Variants in LTBP1 observed in about 807,000 individuals in gnomAD.
LTBP1 encodes latent transforming growth factor beta binding protein 1.
A neutral mutation model predicts 207.6 loss-of-function variants in LTBP1; 129 were observed. The ratio of observed to expected loss-of-function variants is 0.62; its 90% CI spans 0.54 to 0.72. The LOEUF is 0.72. Among genes scored for constraint, LTBP1 ranks in the 30% least tolerant of loss-of-function variants. The pLI is 0.00. For missense variants in LTBP1, 2,281 were observed against 2,217.2 expected (o/e 1.03, Z -0.58); for synonymous variants, 963 against 833.7 (o/e 1.16, Z -2.67).
rs1325605292 is a variant in LTBP1, at chr2:32,947,536, C to T, written c.212C>T (p.Ala71Val). 2 of 1,388,784 alleles carry T rather than the reference C, an allele frequency of 1.4e-6. No homozygotes were observed. The highest frequency in any genetic ancestry group is 3.1e-5 in the East Asian group (1 of 31,860). 86.0% of individuals were successfully genotyped at this position (1,388,784 alleles called of 1,614,324 possible). ...AGCCGCAGCTCGGCGGCTGCCGGCG[C>T]CCCCAGCCGTGCCTCCCCCGGGGTC... is the stretch of plus-strand genomic sequence containing the variant. ...RYSRSSAAAG[A>V]PSRASPGVPS... Residue 71 changes from alanine (A) to valine (V), a missense_variant, in exon 1 of 34, where the codon GCC (alanine) becomes GTC (valine). Around this residue, in one of 3 missense-constraint regions of LTBP1, gnomAD observed 555 missense variants for 491.0 expected, o/e 1.13. Coordinates refer to ENST00000404816, the MANE Select transcript of LTBP1 (RefSeq NM_206943.4).
At chr2:33,395,790 A>G (rs992203258) in intron 32 of LTBP1, among the ~76,000 whole-genome samples, 12 of 151,962 alleles carry the variant, frequency 7.9e-5, no homozygotes, top group African/African-American at 2.2e-4. Flanking sequence ...TCCTTGTCCA[A>G]TTCCTCCAAG....
intron 3 of LTBP1, among the ~76,000 whole-genome samples, chr2:33,090,667 A>C (rs1017925152): frequency 2.0e-5 from 3 of 152,140 alleles, no homozygotes; most frequent in Non-Finnish European, 2.9e-5. Context: ...AGAATAGGTC[A>C]CGTTACCCTG....
Position 32,960,436 on chromosome 2 carries a change from GA to G in LTBP1, c.565+11492del, listed in dbSNP as rs1678916506. ...GAATGAATGAATGAATGAATGAATGGATTGATTTGTTGTACTTTCACCAAGC... is the reference window on the plus strand; with the variant it reads ...GAATGAATGAATGAATGAATGAATGGTTGATTTGTTGTACTTTCACCAAGC... On this transcript the variant is annotated intron_variant, in intron 2 of 33. Transcript: ENST00000404816. Among the ~76,000 whole-genome samples the G allele has an allele frequency of 1.1e-4, 16 of 151,848 alleles. No individual in the cohort carries two copies. The South Asian group carries it at 3.1e-3, about 30-fold the overall frequency.
chr2:33,212,548 G>T (rs181380493), intron 7 of LTBP1, among the ~76,000 whole-genome samples: 1 of 152,288 alleles, frequency 6.6e-6, no homozygotes, highest in East Asian at 1.9e-4. Context: ...TGCAGAAATC[G>T]TAAAGGTCAT....
chr2:33,270,210 G>A (rs1312704069), intron 15 of LTBP1, among the ~76,000 whole-genome samples: 1 of 151,878 alleles, frequency 6.6e-6, no homozygotes. Flanking sequence ...GTGAGCCACT[G>A]CACACAGCCT....
chr2:33,354,728 A>ACACC (rs751452437), intron 26 of LTBP1, among the ~76,000 whole-genome samples: 112 of 106,734 alleles, frequency 1.0e-3, no homozygotes, highest in African/African-American at 3.4e-3. Context: ...ACACACACAC[A>ACACC]CCATTGTATC....
chr2:33,262,722 GA>G lies in LTBP1; in HGVS notation c.2422del (p.Ile808TyrfsTer33). 1 of 1,558,780 alleles carries G rather than the reference GA, an allele frequency of 6.4e-7. No homozygotes were observed. Among genetic ancestry groups the G allele is most frequent in the African/African-American group, 1.4e-5 (1 of 73,072 alleles). Reference sequence around the variant, plus strand: ...TCTCTTTTAAAATACAACCATCCAGGAAATACCTTCATTGGATCAAGAGAAA... The same window carrying G: ...TCTCTTTTAAAATACAACCATCCAGGAATACCTTCATTGGATCAAGAGAAA... ...PEVATAPPEK[E>X]IPSLDQEKTK... On this transcript the variant is annotated frameshift_variant and splice_region_variant, in exon 14 of 34. Coordinates refer to ENST00000404816, the MANE Select transcript of LTBP1 (RefSeq NM_206943.4). LOFTEE classifies it high-confidence loss of function.
At chr2:33,188,443 A>AAAAAAAG in intron 6 of LTBP1, 134 bp from the exon 7 acceptor site, 1 of 613,642 alleles carries the variant, frequency 1.6e-6, no homozygotes, top group Non-Finnish European at 2.7e-6. Flanking sequence ...AAAAAAAAAA[A>AAAAAAAG]AGAATTTTGA....
At chr2:32,997,419 G>A (rs568499068) in intron 2 of LTBP1, among the ~76,000 whole-genome samples, 3 of 152,276 alleles carry the variant, frequency 2.0e-5, no homozygotes, top group African/African-American at 7.2e-5. Flanking sequence ...CTGAGGCAGA[G>A]GATCACTTAA....
intron 3 of LTBP1, among the ~76,000 whole-genome samples, chr2:33,088,311 G>T (rs991623145): frequency 6.6e-6 from 1 of 152,184 alleles, no homozygotes; most frequent in Non-Finnish European, 1.5e-5. Flanking sequence ...AATTAGCTAG[G>T]CATGGTGGCG....
chr2:33,268,849 T>C (rs1005505978), intron 15 of LTBP1, among the ~76,000 whole-genome samples: 3 of 152,196 alleles, frequency 2.0e-5, no homozygotes, highest in Non-Finnish European at 2.9e-5. Context: ...CCATGGCTCT[T>C]GCAGACTGGT....
chr2:33,145,946 A>G (rs1038277425), intron 5 of LTBP1, among the ~76,000 whole-genome samples: 5 of 152,134 alleles, frequency 3.3e-5, no homozygotes, highest in Admixed American at 6.5e-5. Context: ...AGTAATTATC[A>G]TTTCCCTTCT....
intron 26 of LTBP1, among the ~76,000 whole-genome samples, chr2:33,354,731 A>C (rs1411507314): frequency 7.6e-6 from 1 of 131,438 alleles, no homozygotes; most frequent in African/African-American, 2.9e-5. Context: ...CACACACACC[A>C]TTGTATCTTC....
At chr2:33,387,837 G>A (rs957816736) in intron 31 of LTBP1, among the ~76,000 whole-genome samples, 8 of 151,632 alleles carry the variant, frequency 5.3e-5, no homozygotes, top group African/African-American at 9.7e-5. Context: ...TTCCAGGCAA[G>A]TGTGGCCATT....
At chr2:33,180,746 G>A (rs10201397) in intron 5 of LTBP1, among the ~76,000 whole-genome samples, 11,903 of 152,080 alleles carry the variant, frequency 0.078, 1,002 homozygotes, top group African/African-American at 0.21. Flanking sequence ...GTGAGTCACC[G>A]TGCCCAGCCT....
intron 25 of LTBP1, among the ~76,000 whole-genome samples, chr2:33,345,852 G>A (rs1199985603): frequency 6.6e-6 from 1 of 152,000 alleles, no homozygotes; most frequent in Non-Finnish European, 1.5e-5. Flanking sequence ...CACGTTTAAT[G>A]CATAAGACAT....
chr2:33,043,296 C>G (rs1313454469), intron 3 of LTBP1, among the ~76,000 whole-genome samples: 4 of 151,874 alleles, frequency 2.6e-5, no homozygotes, highest in African/African-American at 4.8e-5. Flanking sequence ...CATAATGAGT[C>G]TATAATAATT....
In LTBP1 at chr2:33,289,547, G is replaced by T. The variant is rs370311349; in HGVS notation, c.3113-3613G>T. The stretch of plus-strand genomic sequence containing the variant: ...GCTAATTTAAAAAAAAAATTTGTGT[G>T]TGGAGACAGGGGCTTGCTGTGGTGG... On this transcript the variant is annotated intron_variant, in intron 19 of 33. Transcript: ENST00000404816. 1.4e-4 allele frequency among the ~76,000 whole-genome samples: 22 copies of T among 152,174 alleles called. No homozygotes were observed. The East Asian group carries it at 1.7e-3, about 12-fold the overall frequency.
At chr2:33,117,931 T>G (rs1275729555) in intron 4 of LTBP1, among the ~76,000 whole-genome samples, 1 of 152,102 alleles carries the variant, frequency 6.6e-6, no homozygotes, top group African/African-American at 2.4e-5. Context: ...GTGGCCTTAA[T>G]GTCGATGTTG....
Sources: gnomAD v4.1 joint callset for allele counts (sites outside exome capture counted in the v4.1 genomes callset) on GRCh38, gnomAD v4.1.1 for gene constraint, gnomAD v4.1.1 regional missense constraint, MANE v1.5 for transcripts, NCBI Gene and HGNC (gene_info 2026-07-23, HGNC 2026-07-21) for gene names.